Variants in PDE7A observed in about 807,000 individuals in gnomAD.
The protein encoded by PDE7A is phosphodiesterase 7A.
In PDE7A, 39 loss-of-function variants were observed where a neutral mutation model predicts 64.3. The ratio of observed to expected loss-of-function variants is 0.61; its 90% CI spans 0.47 to 0.79. The LOEUF (loss-of-function observed/expected upper bound fraction) is 0.79, where lower values mean the gene tolerates loss of function less well. PDE7A is among the 30% of genes least tolerant of loss of function. The pLI is 0.00. For missense variants in PDE7A, 470 were observed against 582.8 expected (o/e 0.81, Z 1.99); for synonymous variants, 203 against 206.8 (o/e 0.98, Z 0.16).
At chr8:65,829,233 T>G (rs183944179) in intron 1 of PDE7A, among the ~76,000 whole-genome samples, 1 of 152,300 alleles carries the variant, frequency 6.6e-6, no homozygotes, top group Admixed American at 6.5e-5. Flanking sequence ...AAGTTAATTT[T>G]TAAAGGCAAG....
intron 3 of PDE7A, among the ~76,000 whole-genome samples, chr8:65,761,356 G>A (rs1225832400): frequency 6.6e-6 from 1 of 152,232 alleles, no homozygotes; most frequent in Admixed American, 6.5e-5. Flanking sequence ...GAGCCACCAC[G>A]CCTGGCCCTC....
At chr8:65,798,680 T>C (rs1223479585) in intron 1 of PDE7A, among the ~76,000 whole-genome samples, 2 of 152,212 alleles carry the variant, frequency 1.3e-5, no homozygotes, top group South Asian at 2.1e-4. Flanking sequence ...CAAGATACTA[T>C]TAACCACAAG....
chr8:65,832,332 T>C (rs553427368), intron 1 of PDE7A, among the ~76,000 whole-genome samples: 2 of 152,140 alleles, frequency 1.3e-5, no homozygotes, highest in Admixed American at 1.3e-4. Flanking sequence ...TCATCATTTG[T>C]AAATTATGTT....
Position 65,727,163 on chromosome 8 carries a change from C to G in PDE7A, c.828+7G>C, listed in dbSNP as rs756077616. 6.8e-7 allele frequency: 1 copy of G among 1,474,286 alleles called. No individual in the cohort carries two copies. 91.3% of individuals were successfully genotyped at this position (1,474,286 alleles called of 1,614,324 possible). A position where few individuals can be genotyped will look rare whatever the true frequency, so the allele number is the denominator to read the frequency against. On this transcript the variant is annotated splice_region_variant and intron_variant, in intron 8 of 12. Coordinates refer to ENST00000401827, the MANE Select transcript of PDE7A (RefSeq NM_001242318.3). ...ATAATAAATCTTGATGATAAAATTG[C>G]ACTAACCTTGTATAAAGTTGCCAAG...
chr8:65,841,343 C>A, intron 1 of PDE7A, 28 bp downstream of exon 1: 1 of 1,507,188 alleles, frequency 6.6e-7, no homozygotes, highest in Non-Finnish European at 8.9e-7. Flanking sequence ...GAGAAGCCCT[C>A]AAGTGTGGGC....
chr8:65,787,915 A>C (rs1462671297), intron 1 of PDE7A, among the ~76,000 whole-genome samples: 1 of 152,242 alleles, frequency 6.6e-6, no homozygotes, highest in Non-Finnish European at 1.5e-5. Context: ...CTGTCACTGC[A>C]ACAAAATTAA....
At chr8:65,826,367 C>T (rs1214647543) in intron 1 of PDE7A, among the ~76,000 whole-genome samples, 3 of 152,200 alleles carry the variant, frequency 2.0e-5, no homozygotes, top group Non-Finnish European at 4.4e-5. Context: ...GATAGCACTG[C>T]AGTGGCAGAA....
chr8:65,841,245 C>A lies in PDE7A; in HGVS notation c.138+126G>T, dbSNP rs148097418. On this transcript the variant is annotated intron_variant, in intron 1 of 12. Transcript: ENST00000401827. ...AAGAAAAGGCTCTGCAATCGAAAGG[C>A]CAGCCTAGAAATCCCCAGACAATGG... 23 of 1,120,598 alleles carry A rather than the reference C, an allele frequency of 2.1e-5. No individual in the cohort carries two copies. In the African/African-American group the frequency reaches 3.7e-4, roughly 18 times the overall value. 69.4% of individuals were successfully genotyped at this position (1,120,598 alleles called of 1,614,324 possible). A position where few individuals can be genotyped will look rare whatever the true frequency, so the allele number is the denominator to read the frequency against.
chr8:65,840,997 T>G (rs887330347), intron 1 of PDE7A, among the ~76,000 whole-genome samples: 4 of 152,110 alleles, frequency 2.6e-5, no homozygotes, highest in African/African-American at 9.7e-5. Context: ...GGGACAGGTA[T>G]GTTGCAAGGC....
At chr8:65,776,288 G>A (rs1809257106) in intron 3 of PDE7A, among the ~76,000 whole-genome samples, 1 of 151,892 alleles carries the variant, frequency 6.6e-6, no homozygotes, top group Non-Finnish European at 1.5e-5. Context: ...GGTTATTTCT[G>A]GATTCTATAG....
At chr8:65,810,548 C>T (rs1810236305) in intron 1 of PDE7A, among the ~76,000 whole-genome samples, 1 of 151,736 alleles carries the variant, frequency 6.6e-6, no homozygotes, top group Admixed American at 6.6e-5. Flanking sequence ...AAGTAGTCAT[C>T]AATAGAATAA....
At chr8:65,822,005 T>C (rs1254972136) in intron 1 of PDE7A, among the ~76,000 whole-genome samples, 1 of 152,172 alleles carries the variant, frequency 6.6e-6, no homozygotes, top group Non-Finnish European at 1.5e-5. Flanking sequence ...AACCACTGCC[T>C]TTTGGCTTAG....
At chr8:65,776,117 A>G (rs1809252600) in intron 3 of PDE7A, among the ~76,000 whole-genome samples, 1 of 152,142 alleles carries the variant, frequency 6.6e-6, no homozygotes, top group Non-Finnish European at 1.5e-5. Context: ...ATAATTTGGC[A>G]AAGTTAATCA....
chr8:65,804,698 A>G (rs955548924), intron 1 of PDE7A, among the ~76,000 whole-genome samples: 1 of 151,364 alleles, frequency 6.6e-6, no homozygotes, highest in East Asian at 2.0e-4. Flanking sequence ...CCACCACACC[A>G]AGCTAGCTTT....
In PDE7A at chr8:65,782,847, G is replaced by GAAA; in HGVS notation, c.139-7_139-5dup. The GAAA allele has an allele frequency of 1.3e-6, 2 of 1,507,062 alleles. No homozygotes were observed. Among genetic ancestry groups the GAAA allele is most frequent in the Non-Finnish European group, 1.8e-6 (2 of 1,096,782 alleles). 93.4% of individuals were successfully genotyped at this position (1,507,062 alleles called of 1,614,324 possible). ...CATAGGAAATAGCTCCACGCCTCTAGAAAAAAAAATACACATTATAATACA... is the reference window on the plus strand; with the variant it reads ...CATAGGAAATAGCTCCACGCCTCTAGAAAAAAAAAAAATACACATTATAATACA... On this transcript the variant is annotated splice_polypyrimidine_tract_variant and splice_region_variant and intron_variant, in intron 1 of 12. Coordinates refer to ENST00000401827, the MANE Select transcript of PDE7A (RefSeq NM_001242318.3).
chr8:65,772,025 G>A (rs1486827831), intron 3 of PDE7A, among the ~76,000 whole-genome samples: 2 of 151,800 alleles, frequency 1.3e-5, no homozygotes, highest in African/African-American at 4.8e-5. Context: ...AAGAGATAAC[G>A]AGGCAGAAAA....
chr8:65,735,920 C>T (rs914974590), intron 6 of PDE7A, among the ~76,000 whole-genome samples: 9 of 152,112 alleles, frequency 5.9e-5, no homozygotes, highest in African/African-American at 1.7e-4. Flanking sequence ...CCACCATGCC[C>T]GGCCGTATGT....
chr8:65,776,790 A>G (rs1409124521), intron 3 of PDE7A, among the ~76,000 whole-genome samples: 1 of 152,188 alleles, frequency 6.6e-6, no homozygotes, highest in Non-Finnish European at 1.5e-5. Context: ...TAAGTACATA[A>G]CTATGTCATC....
intron 1 of PDE7A, among the ~76,000 whole-genome samples, chr8:65,790,259 G>T (rs190917275): frequency 3.3e-5 from 5 of 152,344 alleles, no homozygotes; most frequent in Admixed American, 6.5e-5. Context: ...AGGGCCATGT[G>T]GGGGTGTCTT....
Sources: gnomAD v4.1 joint callset for allele counts (sites outside exome capture counted in the v4.1 genomes callset) on GRCh38, gnomAD v4.1.1 for gene constraint, MANE v1.5 for transcripts, NCBI Gene and HGNC (gene_info 2026-07-23, HGNC 2026-07-21) for gene names.